AIMP1: variants seen among roughly 807,000 people sequenced by gnomAD.
AIMP1 encodes aminoacyl tRNA synthase complex-interacting multifunctional protein 1.
A neutral mutation model predicts 33.1 loss-of-function variants in AIMP1; 24 were observed. That is an observed-to-expected ratio of 0.73 (90% CI 0.53 to 1.02). The LOEUF is 1.02. Ranked by LOEUF, AIMP1 falls within the 50% of genes least tolerant of loss-of-function variation. The pLI, the probability that AIMP1 is intolerant of heterozygous loss-of-function variation, is 0.00. For synonymous variants in AIMP1, 120 were observed against 121.5 expected, an observed-to-expected ratio of 0.99 and a Z score of 0.08; for missense variants, 367 against 364.8, an observed-to-expected ratio of 1.01 and a Z score of -0.05.
intron 6 of AIMP1, among the ~76,000 whole-genome samples, chr4:106,340,408 T>C (rs1770053228): frequency 6.6e-6 from 1 of 152,130 alleles, no homozygotes; most frequent in African/African-American, 2.4e-5. Flanking sequence ...TAGTACCTAA[T>C]AGGTAATTTT....
intron 4 of AIMP1, among the ~76,000 whole-genome samples, chr4:106,331,294 C>T (rs1347326143): frequency 6.6e-6 from 1 of 152,124 alleles, no homozygotes. Flanking sequence ...TGCCTAAAGC[C>T]TTTGTCACAA....
chr4:106,331,248 T>C (rs957929253), intron 4 of AIMP1, among the ~76,000 whole-genome samples: 2 of 152,202 alleles, frequency 1.3e-5, no homozygotes, highest in Non-Finnish European at 2.9e-5. Flanking sequence ...TAGAGGAGTC[T>C]CTATTATCCT....
At chr4:106,328,501 T>G (rs1769544381) in intron 4 of AIMP1, among the ~76,000 whole-genome samples, 1 of 152,160 alleles carries the variant, frequency 6.6e-6, no homozygotes, top group Non-Finnish European at 1.5e-5. Context: ...AAAGGTTAAG[T>G]GTAGAAACCC....
chr4:106,347,791 C>T lies in AIMP1; in HGVS notation c.*99C>T, dbSNP rs1347980202. The T allele has an allele frequency of 7.6e-7, 1 of 1,312,524 alleles. No individual in the cohort carries two copies. Among genetic ancestry groups the T allele is most frequent in the Admixed American group, 2.0e-5 (1 of 48,954 alleles). 81.3% of individuals were successfully genotyped at this position (1,312,524 alleles called of 1,614,324 possible). ...CTAAAATATGAGTGGCTCATTTTTG[C>T]ATTACTCTCTTCTAGACTTGACTAG... On this transcript the variant is annotated 3_prime_UTR_variant, in exon 7 of 7. Coordinates refer to ENST00000672341, the MANE Select transcript of AIMP1 (RefSeq NM_001142416.2).
intron 5 of AIMP1, among the ~76,000 whole-genome samples, chr4:106,335,107 T>C (rs1255971491): frequency 6.6e-6 from 1 of 152,134 alleles, no homozygotes. Context: ...GGGAGGAAGA[T>C]GGAATTAAGG....
intron 5 of AIMP1, among the ~76,000 whole-genome samples, chr4:106,332,772 T>C (rs909039806): frequency 1.3e-5 from 2 of 151,892 alleles, no homozygotes; most frequent in Non-Finnish European, 2.9e-5. Flanking sequence ...CTGTTCAGCT[T>C]TACTGTTTAC....
chr4:106,320,066 T>C (rs1223776270), intron 1 of AIMP1, among the ~76,000 whole-genome samples: 2 of 152,232 alleles, frequency 1.3e-5, no homozygotes, highest in Non-Finnish European at 2.9e-5. Context: ...ATAGCGCATG[T>C]TCTACAAATA....
intron 1 of AIMP1, 166 bp downstream of exon 1, chr4:106,316,760 G>C (rs1768930904): frequency 3.4e-6 from 2 of 594,082 alleles, no homozygotes; most frequent in Admixed American, 3.1e-5. Context: ...GAAAGAGTTT[G>C]AGACTTCCTT....
intron 6 of AIMP1, among the ~76,000 whole-genome samples, chr4:106,341,117 G>A (rs866462681): frequency 3.9e-5 from 6 of 151,998 alleles, no homozygotes; most frequent in Non-Finnish European, 7.4e-5. Context: ...TTTTTTGCTT[G>A]TTGAATTAAG....
intron 5 of AIMP1, among the ~76,000 whole-genome samples, chr4:106,333,071 T>C (rs571453189): frequency 6.7e-6 from 1 of 149,122 alleles, no homozygotes; most frequent in East Asian, 2.0e-4. Flanking sequence ...CACTTAGTAA[T>C]GGATAGCCCC....
chr4:106,322,302 A>T (rs1253662879), intron 1 of AIMP1, among the ~76,000 whole-genome samples: 2 of 152,098 alleles, frequency 1.3e-5, no homozygotes. Context: ...AAAATTAAAA[A>T]AAAAAAGTAT....
Position 106,316,572 on chromosome 4 carries a change from G to C in AIMP1, c.-48G>C. The C allele has an allele frequency of 6.4e-7, 1 of 1,551,618 alleles. No homozygotes were observed. Reference sequence around the variant, plus strand: ...CATGCTTCCTGCTGTGGCTGTCTCGGAACCCGTGGTCCTCCGCTTCATGTG... The same window carrying C: ...CATGCTTCCTGCTGTGGCTGTCTCGCAACCCGTGGTCCTCCGCTTCATGTG... On this transcript the variant is annotated 5_prime_UTR_variant, in exon 1 of 7. Transcript: ENST00000672341.
intron 4 of AIMP1, among the ~76,000 whole-genome samples, chr4:106,330,245 T>G (rs1271579923): frequency 6.6e-6 from 1 of 152,198 alleles, no homozygotes; most frequent in Non-Finnish European, 1.5e-5. Flanking sequence ...AGGAAGTACA[T>G]TAGAGTTTTA....
At position 106,331,831 on chromosome 4, in the gene AIMP1, T is replaced by C. The variant is rs141415581; in HGVS notation, c.551T>C (p.Ile184Thr). 2 of 1,614,032 alleles carry C rather than the reference T, an allele frequency of 1.2e-6. No homozygotes were observed. Among genetic ancestry groups the C allele is most frequent in the African/African-American group, 2.7e-5 (2 of 74,930 alleles). ...LYVEEVDVGE[I>T]APRTVVSGLV... ...GTGGAAGAAGTAGATGTCGGAGAAA[T>C]AGCCCCAAGGACAGTTGTCAGTGGC... Residue 184 changes from isoleucine (I) to threonine (T), a missense_variant, in exon 5 of 7, where the codon ATA (isoleucine) becomes ACA (threonine). Transcript: ENST00000672341.
intron 5 of AIMP1, among the ~76,000 whole-genome samples, chr4:106,334,545 G>T (rs559098601): frequency 2.0e-5 from 3 of 152,132 alleles, no homozygotes; most frequent in Non-Finnish European, 2.9e-5. Flanking sequence ...TATTACAGGT[G>T]TGAGCCACCA....
intron 2 of AIMP1, among the ~76,000 whole-genome samples, chr4:106,325,625 G>A (rs113547196): frequency 5.9e-5 from 9 of 151,892 alleles, no homozygotes; most frequent in African/African-American, 2.2e-4. Flanking sequence ...TCTGTAGGTG[G>A]CCATTTCCTA....
At chr4:106,327,598 A>T in intron 3 of AIMP1, 34 bp downstream of exon 3, 2 of 1,523,972 alleles carry the variant, frequency 1.3e-6, no homozygotes, top group Non-Finnish European at 1.8e-6. Context: ...GTAATCCAGA[A>T]GTTAAGAAGT....
At chr4:106,322,287 T>TA (rs955541068) in intron 1 of AIMP1, among the ~76,000 whole-genome samples, 6 of 143,472 alleles carry the variant, frequency 4.2e-5, no homozygotes, top group East Asian at 4.1e-4. Context: ...CAATAAATAC[T>TA]AAAAAAAATT....
At chr4:106,325,776 C>T (rs1769430840) in intron 2 of AIMP1, among the ~76,000 whole-genome samples, 1 of 152,012 alleles carries the variant, frequency 6.6e-6, no homozygotes, top group African/African-American at 2.4e-5. Flanking sequence ...TATAAAATCT[C>T]TGTTAATATC....
Sources: allele counts gnomAD v4.1 joint callset (sites outside exome capture counted in the v4.1 genomes callset), GRCh38; gene constraint gnomAD v4.1.1; transcripts MANE v1.5; gene names NCBI Gene and HGNC (gene_info 2026-07-23, HGNC 2026-07-21).